PLXDC2: variants seen among roughly 807,000 people sequenced by gnomAD.
The protein encoded by PLXDC2 is plexin domain-containing protein 2.
A neutral mutation model predicts 68.9 loss-of-function variants in PLXDC2; 40 were observed. The ratio of observed to expected loss-of-function variants is 0.58; its 90% CI spans 0.45 to 0.76. The LOEUF is 0.76. Among genes scored for constraint, PLXDC2 ranks in the 30% least tolerant of loss-of-function variants. PLXDC2 has a pLI of 0.00. For synonymous variants in PLXDC2, 243 were observed against 234.2 expected, an observed-to-expected ratio of 1.04 and a Z score of -0.34; for missense variants, 644 against 661.9, an observed-to-expected ratio of 0.97 and a Z score of 0.30.
rs532593525 is a variant in PLXDC2 at position 19,837,115 on chromosome 10, T to A, written c.112+19924T>A. Among the ~76,000 whole-genome samples, 530 of 152,118 alleles carry A rather than the reference T, an allele frequency of 3.5e-3. 4 individuals are homozygous for A. Among genetic ancestry groups the A allele is most frequent in the African/African-American group, 0.012 (495 of 41,480 alleles). ...CGAGGTGAATTGAAGGTTTTTTTTTTATCAACAGTTGTTTTATAAGATTGT... is the reference window on the plus strand; with the variant it reads ...CGAGGTGAATTGAAGGTTTTTTTTTAATCAACAGTTGTTTTATAAGATTGT... On this transcript the variant is annotated intron_variant, in intron 1 of 13. Coordinates refer to ENST00000377252, the MANE Select transcript of PLXDC2 (RefSeq NM_032812.9).
chr10:19,925,371 G>T (rs1833524016), intron 1 of PLXDC2, among the ~76,000 whole-genome samples: 1 of 152,210 alleles, frequency 6.6e-6, no homozygotes, highest in Admixed American at 6.5e-5. Context: ...TAGTCAGGAG[G>T]GAGTTGAGCA....
At chr10:19,856,502 A>C (rs533632084) in intron 1 of PLXDC2, among the ~76,000 whole-genome samples, 1 of 152,274 alleles carries the variant, frequency 6.6e-6, no homozygotes, top group African/African-American at 2.4e-5. Flanking sequence ...ACTTGGACCC[A>C]GAGATGGGCA....
At chr10:19,859,290 A>T (rs1041514511) in intron 1 of PLXDC2, among the ~76,000 whole-genome samples, 1 of 152,066 alleles carries the variant, frequency 6.6e-6, no homozygotes, top group African/African-American at 2.4e-5. Context: ...CAAAAAACAA[A>T]CCATATTCAC....
intron 1 of PLXDC2, among the ~76,000 whole-genome samples, chr10:19,837,405 AGAGAGTGTGTGTGT>A (rs1174749710): frequency 2.0e-3 from 92 of 45,036 alleles, no homozygotes; most frequent in African/African-American, 5.9e-3. Flanking sequence ...AGAGAGAGAG[AGAGAGTGTGTGTGT>A]GTGTGTGTGT....
intron 13 of PLXDC2, among the ~76,000 whole-genome samples, chr10:20,253,321 C>T (rs112731318): frequency 4.0e-4 from 61 of 151,044 alleles, no homozygotes; most frequent in South Asian, 1.9e-3. Flanking sequence ...GCCAAGATCA[C>T]GCCACTGCAC....
At chr10:20,171,232 C>T (rs560184853) in intron 7 of PLXDC2, among the ~76,000 whole-genome samples, 126 of 152,156 alleles carry the variant, frequency 8.3e-4, no homozygotes, top group African/African-American at 2.9e-3. Flanking sequence ...AACTAGGCCT[C>T]GTTTGTTATT....
chr10:19,975,877 G>A (rs1455225312), intron 1 of PLXDC2, among the ~76,000 whole-genome samples: 5 of 152,058 alleles, frequency 3.3e-5, no homozygotes, highest in Non-Finnish European at 7.4e-5. Flanking sequence ...GGTGGCATGC[G>A]CCTGTAATCC....
intron 13 of PLXDC2, among the ~76,000 whole-genome samples, chr10:20,250,255 G>T (rs1483624954): frequency 7.2e-6 from 1 of 139,016 alleles, no homozygotes; most frequent in Non-Finnish European, 1.5e-5. Flanking sequence ...CTGGGCAATC[G>T]AGTGAGATCC....
intron 1 of PLXDC2, among the ~76,000 whole-genome samples, chr10:19,928,581 C>T (rs536876638): frequency 6.6e-6 from 1 of 152,012 alleles, no homozygotes; most frequent in African/African-American, 2.4e-5. Flanking sequence ...GGAGACCATC[C>T]CGTGATGAAG....
rs190954766 is a variant in PLXDC2, at chr10:19,961,874, A to G, written c.113-39901A>G. On this transcript the variant is annotated intron_variant, in intron 1 of 13. Transcript: ENST00000377252. Reference sequence around the variant, plus strand: ...CCCTCAAAATGATGACACATTTTCTACTGTGTCATGCACTTGCTTACAAAT... The same window carrying G: ...CCCTCAAAATGATGACACATTTTCTGCTGTGTCATGCACTTGCTTACAAAT... Among the ~76,000 whole-genome samples, 141 of 152,274 alleles carry G rather than the reference A, an allele frequency of 9.3e-4. 1 individual carries two copies. The highest frequency in any genetic ancestry group is 1.7e-3 in the South Asian group (8 of 4,830).
At chr10:20,092,639 T>C (rs1384536725) in intron 4 of PLXDC2, among the ~76,000 whole-genome samples, 1 of 152,044 alleles carries the variant, frequency 6.6e-6, no homozygotes, top group Non-Finnish European at 1.5e-5. Flanking sequence ...CACAAAGATA[T>C]TGGGTCCCAA....
chr10:20,253,893 G>T (rs1036538320), intron 13 of PLXDC2, among the ~76,000 whole-genome samples: 29 of 152,168 alleles, frequency 1.9e-4, no homozygotes, highest in Admixed American at 3.3e-4. Context: ...GGTTGTAGAT[G>T]TTATAAAATC....
rs150073255 is a variant in PLXDC2, at chr10:20,203,601, G to A, written c.1062-8068G>A. On this transcript the variant is annotated intron_variant, in intron 9 of 13. Transcript: ENST00000377252. ...GCTGGGATTACAGGCATGAGCCACCGTGCCCAGCCCAATACGAATTTTTTT... is the reference window on the plus strand; with the variant it reads ...GCTGGGATTACAGGCATGAGCCACCATGCCCAGCCCAATACGAATTTTTTT... Among the ~76,000 whole-genome samples, 804 of 151,880 alleles carry A rather than the reference G, an allele frequency of 5.3e-3. 7 individuals are homozygous for A. Among genetic ancestry groups the A allele is most frequent in the African/African-American group, 0.017 (716 of 41,446 alleles).
Position 20,032,541 on chromosome 10 carries a change from A to G in PLXDC2, c.325-14328A>G, listed in dbSNP as rs77810644. ...AACTTATACGAGAAACGGGGAGACC[A>G]GTGAGAGAGCTCTTACAGAAGGTCT... On this transcript the variant is annotated intron_variant, in intron 2 of 13. Coordinates refer to ENST00000377252, the MANE Select transcript of PLXDC2 (RefSeq NM_032812.9). Among the ~76,000 whole-genome samples, 516 of 152,280 alleles carry G rather than the reference A, an allele frequency of 3.4e-3. 16 individuals carry two copies. The East Asian group carries it at 0.056, about 17-fold the overall frequency.
intron 7 of PLXDC2, among the ~76,000 whole-genome samples, chr10:20,173,262 A>G (rs1315474288): frequency 1.3e-5 from 2 of 152,234 alleles, no homozygotes. Flanking sequence ...TTGGCAACAC[A>G]TAAATAGGGA....
intron 4 of PLXDC2, among the ~76,000 whole-genome samples, chr10:20,094,021 C>G (rs1833315841): frequency 6.6e-6 from 1 of 152,192 alleles, no homozygotes; most frequent in African/African-American, 2.4e-5. Flanking sequence ...GCAGCTTACT[C>G]TTCTTACTTC....
chr10:19,841,071 C>T (rs916511888), intron 1 of PLXDC2, among the ~76,000 whole-genome samples: 2 of 152,140 alleles, frequency 1.3e-5, no homozygotes, highest in Non-Finnish European at 2.9e-5. Flanking sequence ...CAATCTAAAA[C>T]ATTTGAGCAT....
chr10:20,117,834 T>A (rs1833641354), intron 4 of PLXDC2, among the ~76,000 whole-genome samples: 1 of 152,166 alleles, frequency 6.6e-6, no homozygotes, highest in Admixed American at 6.5e-5. Context: ...TCAGTCAAGA[T>A]GAAATTAACC....
At position 19,924,269 on chromosome 10, in the gene PLXDC2, T is replaced by C. The variant is rs533608132; in HGVS notation, c.113-77506T>C. Among the ~76,000 whole-genome samples the C allele has an allele frequency of 3.9e-5, 6 of 152,294 alleles. No homozygotes were observed. In the South Asian group the frequency reaches 1.2e-3, roughly 32 times the overall value. ...TCTCTTCCTTTACGTTTTCCTAACA[T>C]TTGGTGCCAAAACCTGGGACCAGGC... On this transcript the variant is annotated intron_variant, in intron 1 of 13. Transcript: ENST00000377252.
Sources: gnomAD v4.1 joint callset for allele counts (sites outside exome capture counted in the v4.1 genomes callset) on GRCh38, gnomAD v4.1.1 for gene constraint, MANE v1.5 for transcripts, NCBI Gene and HGNC (gene_info 2026-07-23, HGNC 2026-07-21) for gene names.